Variants in NAALADL2 observed in about 807,000 individuals in gnomAD.
NAALADL2 encodes the protein inactive N-acetylated-alpha-linked acidic dipeptidase-like protein 2.
Under a neutral mutation model 87.2 loss-of-function variants are expected in NAALADL2, and 76 were observed. That is an observed-to-expected ratio of 0.87 (90% CI 0.72 to 1.05). NAALADL2 has a LOEUF of 1.05. Ranked by LOEUF, NAALADL2 falls within the 50% of genes least tolerant of loss-of-function variation. The pLI, the probability that NAALADL2 is intolerant of heterozygous loss-of-function variation, is 0.00. For synonymous variants in NAALADL2, 354 were observed against 331.0 expected (o/e 1.07, Z -0.75); for missense variants, 1,089 against 945.8 (o/e 1.15, Z -1.99).
chr3:175,405,355 A>G (rs1204636109), intron 5 of NAALADL2, among the ~76,000 whole-genome samples: 1 of 152,138 alleles, frequency 6.6e-6, no homozygotes, highest in Non-Finnish European at 1.5e-5. Context: ...AGAAAGTGCC[A>G]TGTATACTTT....
intron 9 of NAALADL2, among the ~76,000 whole-genome samples, chr3:175,481,214 T>TA (rs1726409851): frequency 6.6e-6 from 1 of 151,886 alleles, no homozygotes; most frequent in African/African-American, 2.4e-5. Flanking sequence ...TTTTTGAAAA[T>TA]AAAAATGGCC....
chr3:175,650,829 A>C (rs1475596649), intron 11 of NAALADL2, among the ~76,000 whole-genome samples: 1 of 152,224 alleles, frequency 6.6e-6, no homozygotes, highest in Non-Finnish European at 1.5e-5. Flanking sequence ...ATACTAGGAA[A>C]GGAAACATTT....
chr3:175,503,277 G>C (rs996161558), intron 9 of NAALADL2, among the ~76,000 whole-genome samples: 1 of 152,090 alleles, frequency 6.6e-6, no homozygotes, highest in Non-Finnish European at 1.5e-5. Context: ...TTTTATAGCT[G>C]TATAGTGTCT....
rs1313400409 is a variant in NAALADL2, at chr3:174,898,006, G to A, written c.43+38556G>A. On this transcript the variant is annotated intron_variant, in intron 1 of 13. Transcript: ENST00000454872. ...CGGGCGCCTGTAGTCCCAGCTACTT[G>A]GGAGGCTGAGGCAGGAGAATGGCGT... Among the ~76,000 whole-genome samples, 6 of 139,244 alleles carry A rather than the reference G, an allele frequency of 4.3e-5. 1 individual carries two copies. Among genetic ancestry groups the A allele is most frequent in the East Asian group, 2.0e-4 (1 of 4,924 alleles). 91.3% of individuals were successfully genotyped at this position (139,244 alleles called of 152,430 possible).
At chr3:175,377,944 C>T (rs1489210432) in intron 5 of NAALADL2, among the ~76,000 whole-genome samples, 2 of 152,158 alleles carry the variant, frequency 1.3e-5, no homozygotes, top group Non-Finnish European at 2.9e-5. Flanking sequence ...ATAAACCCCG[C>T]CCCCTGCATT....
At chr3:174,969,632 T>C (rs200300647) in intron 1 of NAALADL2, among the ~76,000 whole-genome samples, 1 of 152,290 alleles carries the variant, frequency 6.6e-6, no homozygotes, top group South Asian at 2.1e-4. Flanking sequence ...AGCTTTGAGA[T>C]AGGACAACAC....
At chr3:174,985,891 G>C (rs978110969) in intron 1 of NAALADL2, among the ~76,000 whole-genome samples, 1 of 152,074 alleles carries the variant, frequency 6.6e-6, no homozygotes, top group South Asian at 2.1e-4. Flanking sequence ...GGCGGAGGTT[G>C]TGATGAGCTG....
At chr3:175,375,376 A>C (rs988723784) in intron 5 of NAALADL2, among the ~76,000 whole-genome samples, 1 of 152,162 alleles carries the variant, frequency 6.6e-6, no homozygotes, top group Non-Finnish European at 1.5e-5. Context: ...TTTGGAGATG[A>C]CTGAAATACA....
At chr3:175,580,570 C>T (rs62284482) in intron 10 of NAALADL2, among the ~76,000 whole-genome samples, 19,318 of 150,942 alleles carry the variant, frequency 0.13, 1,387 homozygotes, top group Middle Eastern at 0.17. Context: ...ACTGTGTATA[C>T]GTTCTACTGA....
At chr3:174,500,649 C>G (rs1459996815) in intron 1 of NAALADL2, among the ~76,000 whole-genome samples, 1 of 152,060 alleles carries the variant, frequency 6.6e-6, no homozygotes, top group Admixed American at 6.6e-5. Context: ...TCCTTCTATT[C>G]CTAGTAGGCT....
intron 2 of NAALADL2, among the ~76,000 whole-genome samples, chr3:175,164,970 G>A (rs1012535416): frequency 8.5e-5 from 13 of 152,090 alleles, no homozygotes; most frequent in East Asian, 1.9e-4. Flanking sequence ...ATTTTCTGCC[G>A]CACCCCTTGC....
At chr3:174,794,758 C>G (rs1717874025) in intron 3 of NAALADL2, among the ~76,000 whole-genome samples, 2 of 152,174 alleles carry the variant, frequency 1.3e-5, no homozygotes, top group South Asian at 4.1e-4. Flanking sequence ...ATAAGATACT[C>G]TGAATATCTG....
chr3:174,930,265 T>A (rs963387635), intron 1 of NAALADL2, among the ~76,000 whole-genome samples: 1 of 152,156 alleles, frequency 6.6e-6, no homozygotes, highest in Non-Finnish European at 1.5e-5. Context: ...TGGGTTTATT[T>A]TTTATATATA....
chr3:175,552,195 A>G (rs1225401870), intron 9 of NAALADL2, among the ~76,000 whole-genome samples: 1 of 152,172 alleles, frequency 6.6e-6, no homozygotes, highest in Non-Finnish European at 1.5e-5. Context: ...ATGATAATAA[A>G]GAAAATATTT....
chr3:175,676,066 A>T (rs1490418695), intron 11 of NAALADL2: 1 of 152,124 alleles, frequency 6.6e-6, no homozygotes, highest in Non-Finnish European at 1.5e-5. Flanking sequence ...AAAAACCCAT[A>T]TCAAGTATTC....
At chr3:174,751,011 T>G (rs932523953) in intron 3 of NAALADL2, among the ~76,000 whole-genome samples, 8 of 152,168 alleles carry the variant, frequency 5.3e-5, no homozygotes, top group African/African-American at 1.9e-4. Flanking sequence ...TCTTCAATTA[T>G]AATAGTTGTA....
At chr3:175,719,364 C>G (rs1741894267) in intron 11 of NAALADL2, among the ~76,000 whole-genome samples, 1 of 151,042 alleles carries the variant, frequency 6.6e-6, no homozygotes, top group African/African-American at 2.4e-5. Context: ...CACATGTACC[C>G]TAAAACTTAA....
rs570658599 is a variant in NAALADL2, at chr3:175,627,328, G to A, written c.1838G>A (p.Arg613Gln). ...SFLSEARFSTRATKIEEMDPS... is the reference protein window; with the variant it reads ...SFLSEARFSTQATKIEEMDPS... The stretch of plus-strand genomic sequence containing the variant: ...CTCTCCGAGGCCCGTTTTTCTACAC[G>A]AGCAACAAAAATTGAAGAAATGGAT... The change falls in exon 11 of 14, where the codon CGA becomes CAA. Residue 613 changes from arginine (R) to glutamine (Q), a missense_variant. Physicochemically the swap from Arg to Gln is conservative, Grantham distance 43. Transcript: ENST00000454872. The A allele has an allele frequency of 2.1e-4, 332 of 1,572,066 alleles. 1 individual carries two copies. Among genetic ancestry groups the A allele is most frequent in the Admixed American group, 6.0e-4 (33 of 54,778 alleles).
At position 175,291,803 on chromosome 3, in the gene NAALADL2, T is replaced by G. The variant is rs541557489; in HGVS notation, c.940-32372T>G. 9.7e-4 allele frequency among the ~76,000 whole-genome samples: 148 copies of G among 152,260 alleles called. 1 individual carries two copies. The highest frequency in any genetic ancestry group is 3.4e-3 in the African/African-American group (141 of 41,552). On this transcript the variant is annotated intron_variant, in intron 4 of 13. Coordinates refer to ENST00000454872, the MANE Select transcript of NAALADL2 (RefSeq NM_207015.3). ...CCAAGACTGCTGAAAATAATCACCA[T>G]GAAAACATACAATGGAGTTTCAAAG...
Sources: allele counts gnomAD v4.1 joint callset (sites outside exome capture counted in the v4.1 genomes callset), GRCh38; gene constraint gnomAD v4.1.1; transcripts MANE v1.5; gene names NCBI Gene and HGNC (gene_info 2026-07-23, HGNC 2026-07-21).